Variants in CENATAC observed in about 807,000 individuals in gnomAD.
CENATAC encodes coiled-coil domain containing 84.
A neutral mutation model predicts 53.7 loss-of-function variants in CENATAC; 53 were observed. The ratio of observed to expected loss-of-function variants is 0.99; its 90% CI spans 0.79 to 1.24. CENATAC has a LOEUF of 1.24. Ranked by LOEUF, CENATAC falls within the 50% of genes most tolerant of loss-of-function variation. The pLI, the probability that CENATAC is intolerant of heterozygous loss-of-function variation, is 0.00. For synonymous variants in CENATAC, 156 were observed against 144.6 expected (o/e 1.08, Z -0.57); for missense variants, 474 against 417.8 (o/e 1.13, Z -1.17).
intron 3 of CENATAC, among the ~76,000 whole-genome samples, chr11:119,006,967 G>A (rs1042200553): frequency 6.6e-6 from 1 of 152,004 alleles, no homozygotes; most frequent in Non-Finnish European, 1.5e-5. Flanking sequence ...AGGCCTCCCC[G>A]GCCACATGGA....
At chr11:119,014,166 C>T (rs559109638) in intron 8 of CENATAC, 13 of 152,362 alleles carry the variant, frequency 8.5e-5, no homozygotes, top group African/African-American at 3.1e-4. Flanking sequence ...AGAACAGCTT[C>T]ACTTGTAGCA....
chr11:119,007,021 A>G (rs1034004573), intron 3 of CENATAC, among the ~76,000 whole-genome samples: 1 of 152,114 alleles, frequency 6.6e-6, no homozygotes, highest in African/African-American at 2.4e-5. Flanking sequence ...TAAATTACCC[A>G]GTCTTGGGTA....
chr11:119,013,299 A>G (rs998389699), intron 8 of CENATAC, 37 bp downstream of exon 8: 6 of 1,337,046 alleles, frequency 4.5e-6, no homozygotes, highest in African/African-American at 3.1e-5. Context: ...ACCCTGGGAG[A>G]TTTTTTTTTT....
chr11:119,012,137 C>T lies in CENATAC; in HGVS notation c.579-12C>T. 1 of 1,614,178 alleles carries T rather than the reference C, an allele frequency of 6.2e-7. No homozygotes were observed. Among genetic ancestry groups the T allele is most frequent in the South Asian group, 1.1e-5 (1 of 91,072 alleles). On this transcript the variant is annotated splice_polypyrimidine_tract_variant and intron_variant, in intron 6 of 10. Coordinates refer to ENST00000334418, the MANE Select transcript of CENATAC (RefSeq NM_198489.3). Reference sequence around the variant, plus strand: ...AAGGACCTCATCTGGCAGCCTGGCTCATGTTTTTCAGCCAAGTAGCTTCCA... The same window carrying T: ...AAGGACCTCATCTGGCAGCCTGGCTTATGTTTTTCAGCCAAGTAGCTTCCA...
At chr11:119,015,171 A>G in intron 9 of CENATAC, 88 bp downstream of exon 9, 1 of 1,457,074 alleles carries the variant, frequency 6.9e-7, no homozygotes, top group Non-Finnish European at 9.5e-7. Flanking sequence ...CATGGCTATA[A>G]TCCTAGCATT....
Position 118,998,469 on chromosome 11 carries a change from G to T in CENATAC, c.160G>T (p.Glu54Ter). The T allele has an allele frequency of 6.2e-7, 1 of 1,613,202 alleles. No homozygotes were observed. The highest frequency in any genetic ancestry group is 8.5e-7 in the Non-Finnish European group (1 of 1,179,862). ...ARKAIRAAQV[E>*]RYVPEHERCC... The stretch of plus-strand genomic sequence containing the variant: ...CAAGGCCATCCGCGCCGCTCAGGTG[G>T]AGCGCTATGTGCCCGAACACGAGCG... The change falls in exon 2 of 11, where the codon GAG becomes TAG. Residue 54 changes from glutamate to a stop codon, truncating the protein, a stop_gained. Transcript: ENST00000334418. LOFTEE classifies it high-confidence loss of function.
chr11:119,010,379 T>C (rs977670011), intron 3 of CENATAC: 2 of 183,346 alleles, frequency 1.1e-5, no homozygotes, highest in Non-Finnish European at 2.3e-5. Flanking sequence ...CCTGTATGCC[T>C]ACACTCAAGT....
chr11:119,015,117 A>G (rs1943095291), intron 9 of CENATAC, 34 bp downstream of exon 9: 1 of 1,550,384 alleles, frequency 6.5e-7, no homozygotes, highest in African/African-American at 1.4e-5. Context: ...GATCGTCTAA[A>G]TCTTCACACT....
chr11:119,013,762 C>CTT (rs561450474), intron 8 of CENATAC, among the ~76,000 whole-genome samples: 136 of 141,072 alleles, frequency 9.6e-4, no homozygotes, highest in African/African-American at 3.2e-3. Flanking sequence ...CGTGCCCGGA[C>CTT]TTTTTTTTTT....
At chr11:119,013,186 A>G in intron 7 of CENATAC, 46 bp from the exon 8 acceptor site, 1 of 1,470,246 alleles carries the variant, frequency 6.8e-7, no homozygotes, top group Non-Finnish European at 9.3e-7. Context: ...TTTTTTAATC[A>G]TGCCTAGACT....
intron 7 of CENATAC, chr11:119,012,984 G>A: frequency 2.4e-6 from 1 of 420,418 alleles, no homozygotes; most frequent in Non-Finnish European, 4.2e-6. Context: ...TGCTCCCCTG[G>A]CATGTAATAG....
chr11:118,999,452 C>CT (rs1294288972), intron 3 of CENATAC, among the ~76,000 whole-genome samples: 7 of 151,882 alleles, frequency 4.6e-5, no homozygotes, highest in African/African-American at 1.7e-4. Context: ...GTTTTGGACT[C>CT]TATTTTATTT....
chr11:119,015,457 C>G lies in CENATAC; in HGVS notation c.938+18C>G, dbSNP rs375095765. On this transcript the variant is annotated intron_variant, in intron 10 of 10. Transcript: ENST00000334418. ...CAGTCCAGGTATGTGTGTTCAGTGC[C>G]GGGTCTCCAACCTACCCATCCAACC... is the stretch of plus-strand genomic sequence containing the variant. The G allele has an allele frequency of 6.2e-7, 1 of 1,613,686 alleles. No homozygotes were observed. Among genetic ancestry groups the G allele is most frequent in the African/African-American group, 1.3e-5 (1 of 74,886 alleles).
Position 119,010,821 on chromosome 11 carries a change from G to A in CENATAC, c.441G>A (p.Val147=). The A allele has an allele frequency of 6.2e-7, 1 of 1,614,006 alleles. No individual in the cohort carries two copies. Among genetic ancestry groups the A allele is most frequent in the Non-Finnish European group, 8.5e-7 (1 of 1,179,892 alleles). ...CCTATGAAGAAAAGGAGGATAAAGTGATCAAGGAGGTAAGTTAAAGTAGCA... is the reference window on the plus strand; with the variant it reads ...CCTATGAAGAAAAGGAGGATAAAGTAATCAAGGAGGTAAGTTAAAGTAGCA... The part of the protein sequence containing the change: ...LDSYEEKEDK[V]IKEMAAQIRE... Residue 147 remains valine (V), a synonymous_variant, in exon 4 of 11, where the codon GTG becomes GTA. Coordinates refer to ENST00000334418, the MANE Select transcript of CENATAC (RefSeq NM_198489.3).
intron 3 of CENATAC, among the ~76,000 whole-genome samples, chr11:119,006,647 G>A (rs1942614905): frequency 6.6e-6 from 1 of 152,214 alleles, no homozygotes; most frequent in Non-Finnish European, 1.5e-5. Flanking sequence ...GGGATTACAG[G>A]CGTGAGCCAC....
chr11:119,013,297 A>T, intron 8 of CENATAC, 35 bp downstream of exon 8: 3 of 1,532,168 alleles, frequency 2.0e-6, no homozygotes, highest in Non-Finnish European at 2.7e-6. Context: ...AAACCCTGGG[A>T]GATTTTTTTT....
Position 119,015,770 on chromosome 11 carries a change from A to G in CENATAC, c.*172A>G, listed in dbSNP as rs1000121364. On this transcript the variant is annotated 3_prime_UTR_variant, in exon 11 of 11. Transcript: ENST00000334418. ...ACAGCTGGTTGGACCTGTAAAAAAAAATTAAAAGAATCAGAACCATAAAGC... is the reference window on the plus strand; with the variant it reads ...ACAGCTGGTTGGACCTGTAAAAAAAGATTAAAAGAATCAGAACCATAAAGC... The G allele has an allele frequency of 9.8e-6, 13 of 1,323,996 alleles. No individual in the cohort carries two copies. Among genetic ancestry groups the G allele is most frequent in the Non-Finnish European group, 1.3e-5 (12 of 933,218 alleles). 82.0% of individuals were successfully genotyped at this position (1,323,996 alleles called of 1,614,324 possible). A position where few individuals can be genotyped will look rare whatever the true frequency, so the allele number is the denominator to read the frequency against.
At chr11:119,002,739 G>A (rs945971504) in intron 3 of CENATAC, among the ~76,000 whole-genome samples, 1 of 149,398 alleles carries the variant, frequency 6.7e-6, no homozygotes, top group Non-Finnish European at 1.5e-5. Flanking sequence ...GGCATAAGAA[G>A]TAAGATTTCT....
At chr11:119,001,350 A>AC (rs1373550277) in intron 3 of CENATAC, among the ~76,000 whole-genome samples, 1 of 152,078 alleles carries the variant, frequency 6.6e-6, no homozygotes, top group Non-Finnish European at 1.5e-5. Flanking sequence ...CGCGAATGTC[A>AC]CCATGTACAG....
Sources: allele counts gnomAD v4.1 joint callset (sites outside exome capture counted in the v4.1 genomes callset), GRCh38; gene constraint gnomAD v4.1.1; transcripts MANE v1.5; gene names NCBI Gene and HGNC (gene_info 2026-07-23, HGNC 2026-07-21).